Variants in SORCS2 observed in about 807,000 individuals in gnomAD.
SORCS2 encodes VPS10 domain-containing receptor SorCS2.
In SORCS2, 100 loss-of-function variants were observed where a neutral mutation model predicts 141.6. That is an observed-to-expected ratio of 0.71 (90% CI 0.60 to 0.83). SORCS2 has a LOEUF of 0.83. Among genes scored for constraint, SORCS2 ranks in the 40% least tolerant of loss-of-function variants. The pLI, the probability that SORCS2 is intolerant of heterozygous loss-of-function variation, is 0.00. For missense variants in SORCS2, 1,646 were observed against 1,560.2 expected (o/e 1.05, Z -0.93); for synonymous variants, 789 against 676.9 (o/e 1.17, Z -2.57).
intron 1 of SORCS2, among the ~76,000 whole-genome samples, chr4:7,320,629 A>C (rs557104132): frequency 2.6e-4 from 40 of 152,320 alleles, no homozygotes; most frequent in African/African-American, 9.4e-4. Flanking sequence ...GCTGTTTCCC[A>C]GTGGAAGGCA....
At chr4:7,407,765 C>T (rs1041586484) in intron 2 of SORCS2, among the ~76,000 whole-genome samples, 2 of 152,134 alleles carry the variant, frequency 1.3e-5, no homozygotes, top group South Asian at 4.1e-4. Flanking sequence ...TCCTTTCTTA[C>T]TATTTTTCTT....
At chr4:7,417,870 G>T (rs1269861147) in intron 2 of SORCS2, among the ~76,000 whole-genome samples, 2 of 152,230 alleles carry the variant, frequency 1.3e-5, no homozygotes, top group African/African-American at 2.4e-5. Flanking sequence ...GGCACATGAA[G>T]GGTGAGGGGG....
chr4:7,508,203 G>A (rs1732392341), intron 2 of SORCS2, among the ~76,000 whole-genome samples: 1 of 142,562 alleles, frequency 7.0e-6, no homozygotes, highest in Admixed American at 7.1e-5. Flanking sequence ...AGGGAAGGGG[G>A]AGAAGGAGGG....
At chr4:7,358,755 C>T (rs535330393) in intron 1 of SORCS2, among the ~76,000 whole-genome samples, 4 of 152,246 alleles carry the variant, frequency 2.6e-5, no homozygotes, top group East Asian at 1.9e-4. Flanking sequence ...TCTTCATGAG[C>T]GATTTTGGGG....
intron 4 of SORCS2, among the ~76,000 whole-genome samples, chr4:7,652,819 T>C (rs183752902): frequency 3.3e-5 from 5 of 152,268 alleles, no homozygotes; most frequent in Non-Finnish European, 7.4e-5. Flanking sequence ...TATCCGGCCT[T>C]GGTTGGTGGT....
chr4:7,600,524 G>A (rs1215363831), intron 3 of SORCS2, among the ~76,000 whole-genome samples: 1 of 152,124 alleles, frequency 6.6e-6, no homozygotes, highest in Non-Finnish European at 1.5e-5. Flanking sequence ...TCCCAGTCCC[G>A]GCTGGCAGGG....
At chr4:7,657,557 ATGAG>A (rs372060330) in intron 5 of SORCS2, among the ~76,000 whole-genome samples, 34 of 152,288 alleles carry the variant, frequency 2.2e-4, no homozygotes, top group African/African-American at 7.0e-4. Flanking sequence ...GAGTGAATGA[ATGAG>A]TGAGCAAGTA....
intron 18 of SORCS2, among the ~76,000 whole-genome samples, chr4:7,722,556 G>A (rs998556941): frequency 1.3e-5 from 2 of 152,222 alleles, no homozygotes; most frequent in African/African-American, 4.8e-5. Flanking sequence ...AGTCACTCCT[G>A]CCTTTGCCTT....
chr4:7,476,200 C>T (rs1730280318), intron 2 of SORCS2, among the ~76,000 whole-genome samples: 1 of 152,204 alleles, frequency 6.6e-6, no homozygotes, highest in Admixed American at 6.5e-5. Context: ...GACAGGTACT[C>T]AAGGAGAGAT....
chr4:7,637,538 G>T (rs903820893), intron 3 of SORCS2, among the ~76,000 whole-genome samples: 1 of 152,228 alleles, frequency 6.6e-6, no homozygotes, highest in African/African-American at 2.4e-5. Context: ...TTACGGTGGA[G>T]CCTCAGTGCC....
chr4:7,279,353 C>G (rs1715712048), intron 1 of SORCS2, among the ~76,000 whole-genome samples: 1 of 152,302 alleles, frequency 6.6e-6, no homozygotes, highest in East Asian at 1.9e-4. Flanking sequence ...GTGAGCTTCC[C>G]CACAGCCAAA....
chr4:7,434,995 C>T (rs1051450543), intron 2 of SORCS2: 2 of 1,296,806 alleles, frequency 1.5e-6, no homozygotes, highest in Non-Finnish European at 2.1e-6. Context: ...CCTGGCCACT[C>T]CCACAGCCTG....
Position 7,663,181 on chromosome 4 carries a change from ATGAGTGAG to A in SORCS2, c.953-1164_953-1157del, listed in dbSNP as rs987855493. ...GAGTGAGTGAATGAGTGATGAGTGA[ATGAGTGAG>A]TGAGTGAAGAGTGAATGAGTGAGTG... On this transcript the variant is annotated intron_variant, in intron 6 of 26. Coordinates refer to ENST00000507866, the MANE Select transcript of SORCS2 (RefSeq NM_020777.3). The surrounding 1 kb of genome is among the most constrained non-coding windows in gnomAD (Gnocchi z 4.8). Among the ~76,000 whole-genome samples, 4 of 151,310 alleles carry A rather than the reference ATGAGTGAG, an allele frequency of 2.6e-5. No homozygotes were observed. In the East Asian group the frequency reaches 7.8e-4, roughly 29 times the overall value.
chr4:7,601,495 C>T (rs1418498909), intron 3 of SORCS2, among the ~76,000 whole-genome samples: 2 of 151,346 alleles, frequency 1.3e-5, no homozygotes, highest in African/African-American at 4.9e-5. Flanking sequence ...GCTGCATGCC[C>T]GTAGTCCCAG....
intron 1 of SORCS2, among the ~76,000 whole-genome samples, chr4:7,374,430 A>G (rs1166115586): frequency 6.6e-6 from 1 of 151,940 alleles, no homozygotes; most frequent in Admixed American, 6.6e-5. Context: ...AGCAAGGTGG[A>G]TTTCTCCCGT....
intron 3 of SORCS2, among the ~76,000 whole-genome samples, chr4:7,615,602 C>T (rs1033317428): frequency 2.0e-5 from 3 of 152,210 alleles, no homozygotes; most frequent in Non-Finnish European, 2.9e-5. Flanking sequence ...GTTCCTGTGC[C>T]TGCCCGTGCT....
At chr4:7,426,153 C>G (rs1726418767) in intron 2 of SORCS2, among the ~76,000 whole-genome samples, 1 of 152,314 alleles carries the variant, frequency 6.6e-6, no homozygotes, top group Admixed American at 6.5e-5. Context: ...GGCTGTAGAC[C>G]CAGAGGAGAA....
chr4:7,654,969 C>G (rs901642780), intron 5 of SORCS2, among the ~76,000 whole-genome samples: 1 of 152,164 alleles, frequency 6.6e-6, no homozygotes. Flanking sequence ...ACGGGGGGCA[C>G]TCGGCTTTCC....
intron 1 of SORCS2, among the ~76,000 whole-genome samples, chr4:7,294,441 C>G (rs750318229): frequency 6.6e-5 from 10 of 151,938 alleles, no homozygotes; most frequent in Non-Finnish European, 1.3e-4. Flanking sequence ...GGAACTGCGG[C>G]CTGCAGACCT....
Sources: allele counts gnomAD v4.1 joint callset (sites outside exome capture counted in the v4.1 genomes callset), GRCh38; gene constraint gnomAD v4.1.1; non-coding constraint Gnocchi (gnomAD v3.1); transcripts MANE v1.5; gene names NCBI Gene and HGNC (gene_info 2026-07-23, HGNC 2026-07-21).